The following TULP4 variants were observed in gnomAD, a reference collection of about 807,000 sequenced individuals.
TULP4 encodes the protein TUB like protein 4, also known as tubby-related protein 4.
A neutral mutation model predicts 129.0 loss-of-function variants in TULP4; 16 were observed. That is an observed-to-expected ratio of 0.12 (90% CI 0.08 to 0.19). The LOEUF (loss-of-function observed/expected upper bound fraction) is 0.19, where lower values mean the gene tolerates loss of function less well. TULP4 is among the 10% of genes least tolerant of loss of function. TULP4 has a pLI of 1.00. For missense variants in TULP4, 1,842 were observed against 2,059.1 expected (o/e 0.89, Z 2.04); for synonymous variants, 998 against 854.0 (o/e 1.17, Z -2.94).
At chr6:158,491,881 T>C (rs1046241244) in intron 9 of TULP4, among the ~76,000 whole-genome samples, 3 of 140,870 alleles carry the variant, frequency 2.1e-5, no homozygotes, top group African/African-American at 7.9e-5. Context: ...TTTTTCGAGC[T>C]GGAGTCTTGC....
chr6:158,419,630 A>G (rs1173098178), intron 2 of TULP4, among the ~76,000 whole-genome samples: 3 of 152,232 alleles, frequency 2.0e-5, no homozygotes, highest in Admixed American at 6.5e-5. Flanking sequence ...TTAAAGGATG[A>G]GAAAGATGTA....
intron 1 of TULP4, among the ~76,000 whole-genome samples, chr6:158,359,829 A>G (rs992877181): frequency 1.3e-5 from 2 of 152,200 alleles, no homozygotes; most frequent in Non-Finnish European, 2.9e-5. Flanking sequence ...TTCTCTTCCC[A>G]GTTGAATAGG....
intron 4 of TULP4, 128 bp from the exon 5 acceptor site, chr6:158,452,006 A>T: frequency 7.3e-7 from 1 of 1,378,446 alleles, no homozygotes; most frequent in Non-Finnish European, 1.0e-6. Flanking sequence ...TTCAGGTAGC[A>T]TCCCAATCCA....
At chr6:158,320,941 T>C (rs892894319) in intron 1 of TULP4, among the ~76,000 whole-genome samples, 1 of 152,230 alleles carries the variant, frequency 6.6e-6, no homozygotes, top group African/African-American at 2.4e-5. Flanking sequence ...TGCTTTATTA[T>C]AGTTATCTGC....
At chr6:158,338,815 T>C (rs928401568) in intron 1 of TULP4, among the ~76,000 whole-genome samples, 2 of 152,226 alleles carry the variant, frequency 1.3e-5, no homozygotes, top group Non-Finnish European at 2.9e-5. Flanking sequence ...TCACATTTCC[T>C]GAACCTTGCT....
At chr6:158,443,762 A>G (rs992519111) in intron 3 of TULP4, among the ~76,000 whole-genome samples, 3 of 152,082 alleles carry the variant, frequency 2.0e-5, no homozygotes, top group African/African-American at 7.2e-5. Context: ...ATTACATTTC[A>G]TCTTTTAAAA....
At chr6:158,469,635 G>A (rs940752559) in intron 6 of TULP4, among the ~76,000 whole-genome samples, 2 of 151,970 alleles carry the variant, frequency 1.3e-5, no homozygotes, top group Non-Finnish European at 2.9e-5. Flanking sequence ...GGCGTTTGGG[G>A]ATGAGGGACT....
chr6:158,490,640 A>G (rs192001396), intron 9 of TULP4, among the ~76,000 whole-genome samples: 4 of 152,194 alleles, frequency 2.6e-5, no homozygotes, highest in African/African-American at 9.7e-5. Flanking sequence ...GATAAAAGAC[A>G]TGTCATCATC....
intron 1 of TULP4, among the ~76,000 whole-genome samples, chr6:158,285,737 C>G (rs1350618772): frequency 6.6e-6 from 1 of 152,238 alleles, no homozygotes; most frequent in Non-Finnish European, 1.5e-5. Flanking sequence ...CTGCCCTGCC[C>G]TGATCTCTGG....
chr6:158,270,469 G>A (rs1778527417), intron 1 of TULP4, among the ~76,000 whole-genome samples: 1 of 152,152 alleles, frequency 6.6e-6, no homozygotes, highest in Admixed American at 6.5e-5. Context: ...CGGGGCTAGG[G>A]ACTGGACTTC....
chr6:158,427,307 A>G (rs1167788570), intron 2 of TULP4, among the ~76,000 whole-genome samples: 1 of 152,110 alleles, frequency 6.6e-6, no homozygotes, highest in African/African-American at 2.4e-5. Flanking sequence ...CTGTTTGCCT[A>G]GGACTAGGGT....
intron 1 of TULP4, among the ~76,000 whole-genome samples, chr6:158,287,867 T>C (rs57373979): frequency 0.13 from 20,264 of 152,204 alleles, 1,718 homozygotes; most frequent in African/African-American, 0.23. Flanking sequence ...GTGAAGGCCC[T>C]TGAATGCCAG....
chr6:158,299,687 T>C (rs996808407), intron 1 of TULP4, among the ~76,000 whole-genome samples: 28 of 152,282 alleles, frequency 1.8e-4, no homozygotes, highest in African/African-American at 6.3e-4. Flanking sequence ...GCAATGTTCA[T>C]CTGTAGCTCC....
At chr6:158,425,171 A>G (rs1481972728) in intron 2 of TULP4, among the ~76,000 whole-genome samples, 2 of 146,614 alleles carry the variant, frequency 1.4e-5, no homozygotes, top group African/African-American at 2.6e-5. Flanking sequence ...AAAAAAAAAA[A>G]AAAAAAAAAG....
At chr6:158,287,254 C>T (rs1778849431) in intron 1 of TULP4, among the ~76,000 whole-genome samples, 1 of 152,116 alleles carries the variant, frequency 6.6e-6, no homozygotes, top group Non-Finnish European at 1.5e-5. Context: ...CAGACATATG[C>T]ATGTGTAGTG....
At chr6:158,495,109 A>G (rs922463635) in intron 11 of TULP4, among the ~76,000 whole-genome samples, 2 of 151,644 alleles carry the variant, frequency 1.3e-5, no homozygotes, top group Admixed American at 6.6e-5. Flanking sequence ...AGGCTGGAGT[A>G]TAGTGACACG....
chr6:158,276,448 G>T (rs759095164), intron 1 of TULP4, among the ~76,000 whole-genome samples: 1 of 151,390 alleles, frequency 6.6e-6, no homozygotes, highest in African/African-American at 2.4e-5. Flanking sequence ...GGGACTACAG[G>T]TGTGCAACCA....
intron 4 of TULP4, among the ~76,000 whole-genome samples, chr6:158,450,354 G>A (rs1005283370): frequency 2.0e-5 from 3 of 151,308 alleles, no homozygotes; most frequent in Non-Finnish European, 4.4e-5. Flanking sequence ...GTCTGCCTCC[G>A]TTAGAACCTG....
At chr6:158,362,674 A>G (rs1218109304) in intron 1 of TULP4, among the ~76,000 whole-genome samples, 1 of 152,104 alleles carries the variant, frequency 6.6e-6, no homozygotes, top group Non-Finnish European at 1.5e-5. Flanking sequence ...AATTATATTT[A>G]TACTTCTCTG....
Sources: allele counts gnomAD v4.1 joint callset (sites outside exome capture counted in the v4.1 genomes callset), GRCh38; gene constraint gnomAD v4.1.1; transcripts MANE v1.5; gene names NCBI Gene and HGNC (gene_info 2026-07-23, HGNC 2026-07-21).